The following RFC4 variants were observed in gnomAD, a reference collection of about 807,000 sequenced individuals.
RFC4 encodes replication factor C subunit 4, also known as A1 37 kDa subunit.
In RFC4, 38 loss-of-function variants were observed where a neutral mutation model predicts 47.6. That is an observed-to-expected ratio of 0.80 (90% CI 0.62 to 1.05). The LOEUF (loss-of-function observed/expected upper bound fraction) is 1.05, where lower values mean the gene tolerates loss of function less well. Ranked by LOEUF, RFC4 falls within the 50% of genes least tolerant of loss-of-function variation. RFC4 has a pLI of 0.00. For synonymous variants in RFC4, 164 were observed against 150.0 expected (o/e 1.09, Z -0.68); for missense variants, 489 against 434.0 (o/e 1.13, Z -1.13).
In RFC4 at chr3:186,797,738, G is replaced by A. The variant is rs370512988; in HGVS notation, c.211-124C>T. 3.3e-5 allele frequency: 20 copies of A among 609,158 alleles called. No homozygotes were observed. The East Asian group carries it at 4.2e-4, about 13-fold the overall frequency. The allele number at this position is 609,158 out of a possible 1,614,324, so 37.7% of individuals were successfully genotyped here. A position where few individuals can be genotyped will look rare whatever the true frequency, so the allele number is the denominator to read the frequency against. On this transcript the variant is annotated intron_variant, in intron 3 of 10. Transcript: ENST00000296273. ...CTCTAATAGGGCACGTAATTTCTAA[G>A]TATAAAGTTTTCTTAATATAACTGA...
rs1722253377 is a variant in RFC4, at chr3:186,796,855, C to T, written c.290+680G>A. 6.6e-6 allele frequency among the ~76,000 whole-genome samples: 1 copy of T among 152,284 alleles called. No homozygotes were observed. The highest frequency in any genetic ancestry group is 1.9e-4 in the East Asian group (1 of 5,178). Reference sequence around the variant, plus strand: ...TTAATTCTGGATAAACTCAAAACAGCCTTTGTTATGTTGGTGCATGTTTCA... The same window carrying T: ...TTAATTCTGGATAAACTCAAAACAGTCTTTGTTATGTTGGTGCATGTTTCA... On this transcript the variant is annotated intron_variant, in intron 4 of 10. Coordinates refer to ENST00000296273, the MANE Select transcript of RFC4 (RefSeq NM_002916.5). This position sits in a 1 kb window ranked among gnomAD's most constrained non-coding sequence, Gnocchi z 4.2.
At chr3:186,801,398 GT>G in intron 2 of RFC4, 1 of 572,152 alleles carries the variant, frequency 1.7e-6, no homozygotes, top group Non-Finnish European at 3.1e-6. Flanking sequence ...GTGAAATAAT[GT>G]TTTACTTCCT....
At chr3:186,790,095 T>C in intron 10 of RFC4, 31 bp from the exon 11 acceptor site, 1 of 1,605,608 alleles carries the variant, frequency 6.2e-7, no homozygotes, top group Non-Finnish European at 8.5e-7. Flanking sequence ...ATTAGCATCC[T>C]TCAGGTAGTT....
At chr3:186,800,279 G>T (rs1435101814) in intron 3 of RFC4, among the ~76,000 whole-genome samples, 1 of 152,124 alleles carries the variant, frequency 6.6e-6, no homozygotes, top group East Asian at 1.9e-4. Flanking sequence ...GAGTATGCGA[G>T]TCAAATCAAA....
rs562764017 is a variant in RFC4 at position 186,793,629 on chromosome 3, G to A, written c.411-682C>T. 1.3e-5 allele frequency among the ~76,000 whole-genome samples: 2 copies of A among 152,172 alleles called. No individual in the cohort carries two copies. Among genetic ancestry groups the A allele is most frequent in the African/African-American group, 4.8e-5 (2 of 41,518 alleles). Reference sequence around the variant, plus strand: ...TGGGAGTTACGTGGTATTTCAATGTGGCTTTGATTTTCATTTCCCAAATGG... The same window carrying A: ...TGGGAGTTACGTGGTATTTCAATGTAGCTTTGATTTTCATTTCCCAAATGG... On this transcript the variant is annotated intron_variant, in intron 5 of 10. Coordinates refer to ENST00000296273, the MANE Select transcript of RFC4 (RefSeq NM_002916.5). The surrounding 1 kb of genome is among the most constrained non-coding windows in gnomAD (Gnocchi z 4.2).
chr3:186,805,428 C>G, intron 1 of RFC4: 3 of 152,338 alleles, frequency 2.0e-5, no homozygotes, highest in Non-Finnish European at 4.4e-5. Context: ...CACCATGTTG[C>G]CTAGGCTGGT....
At chr3:186,803,991 G>A (rs2108473965) in intron 2 of RFC4, among the ~76,000 whole-genome samples, 1 of 152,114 alleles carries the variant, frequency 6.6e-6, no homozygotes, top group East Asian at 2.0e-4. Context: ...CGATCGACCT[G>A]ACCAACATGG....
chr3:186,789,972 A>G lies in RFC4; in HGVS notation c.1089T>C (p.Cys363=), dbSNP rs758933711. Residue 363 remains cysteine (C), a synonymous_variant, in exon 11 of 11, where the codon TGT becomes TGC. Transcript: ENST00000296273. Reference sequence around the variant, plus strand: ...CCCCCATCCAGATATATTCACGTTAACAATTCTGAGATAACTGCTGCATCA... The same window carrying G: ...CCCCCATCCAGATATATTCACGTTAGCAATTCTGAGATAACTGCTGCATCA... The part of the protein sequence containing the change: ...ATVMQQLSQN[C] 1 of 1,597,634 alleles carries G rather than the reference A, an allele frequency of 6.3e-7. No homozygotes were observed. Among genetic ancestry groups the G allele is most frequent in the Non-Finnish European group, 8.6e-7 (1 of 1,165,494 alleles).
chr3:186,790,805 CTAA>C (rs1247950889), intron 8 of RFC4, among the ~76,000 whole-genome samples: 1 of 152,140 alleles, frequency 6.6e-6, no homozygotes, highest in Admixed American at 6.5e-5. Flanking sequence ...AAAGATGCCA[CTAA>C]TGAGATTGGT....
In RFC4 at chr3:186,789,929, CTTCAT is replaced by C; in HGVS notation, c.*35_*39del. The C allele has an allele frequency of 8.0e-7, 1 of 1,257,778 alleles. No homozygotes were observed. The highest frequency in any genetic ancestry group is 1.1e-6 in the Non-Finnish European group (1 of 871,946). 77.9% of individuals were successfully genotyped at this position (1,257,778 alleles called of 1,614,324 possible). A position where few individuals can be genotyped will look rare whatever the true frequency, so the allele number is the denominator to read the frequency against. On this transcript the variant is annotated 3_prime_UTR_variant, in exon 11 of 11. Transcript: ENST00000296273. ...TTTGGTCATTTTATTTTTATTACAA[CTTCAT>C]TATTTACAAAACCCCCCATCCAGAT...
At position 186,804,569 on chromosome 3, in the gene RFC4, A is replaced by C. The variant is rs1722433665; in HGVS notation, c.131+14T>G. 1 of 1,613,084 alleles carries C rather than the reference A, an allele frequency of 6.2e-7. No homozygotes were observed. Among genetic ancestry groups the C allele is most frequent in the East Asian group, 2.2e-5 (1 of 44,872 alleles). On this transcript the variant is annotated intron_variant, in intron 2 of 10. Transcript: ENST00000296273. ...ATTTATGAATTATTTTAACAAAGAC[A>C]CAAGTGTTCTTACTATTTTTCCACC...
In RFC4 at chr3:186,804,670, G is replaced by C. The variant is rs146612878; in HGVS notation, c.44C>G (p.Pro15Arg). The C allele has an allele frequency of 2.5e-6, 4 of 1,613,880 alleles. No individual in the cohort carries two copies. The African/African-American group carries it at 5.3e-5, about 22-fold the overall frequency. ...AGCTACTCCTCGATCCTTGGTCAGC[G>C]GGGGTTTAGTACTGATGGATGTACC... Reference protein sequence around the residue: ...LKGTSISTKPPLTKDRGVAAS... With the variant: ...LKGTSISTKPRLTKDRGVAAS... The change falls in exon 2 of 11, where the codon CCG becomes CGG. Residue 15 changes from proline (P) to arginine (R), a missense_variant. Physicochemically the swap from Pro to Arg is moderately radical, Grantham distance 103 (BLOSUM62 -2). Transcript: ENST00000296273.
chr3:186,805,801 T>C (rs1722466938), intron 1 of RFC4, among the ~76,000 whole-genome samples: 1 of 152,152 alleles, frequency 6.6e-6, no homozygotes, highest in Non-Finnish European at 1.5e-5. Flanking sequence ...AAGTCCCCGG[T>C]TAATTCTATT....
chr3:186,802,346 T>C (rs934775795), intron 2 of RFC4, among the ~76,000 whole-genome samples: 1 of 152,064 alleles, frequency 6.6e-6, no homozygotes, highest in Non-Finnish European at 1.5e-5. Flanking sequence ...AAAAAAGCAT[T>C]GTTCCACTTT....
intron 8 of RFC4, among the ~76,000 whole-genome samples, chr3:186,791,033 A>G (rs1722114537): frequency 6.6e-6 from 1 of 152,156 alleles, no homozygotes; most frequent in Admixed American, 6.5e-5. Flanking sequence ...TTTACATGGG[A>G]GTATCCAAAG....
rs1349190089 is a variant in RFC4 at position 186,806,473 on chromosome 3, G to A, written c.-195C>T. On this transcript the variant is annotated 5_prime_UTR_variant, in exon 1 of 11. Transcript: ENST00000296273. ...CCTCAGTTCCCGCCACGGAACGGCG[G>A]GCGAAAAGCAGGGCGGGAATACGCC... 1 of 152,274 alleles carries A rather than the reference G, an allele frequency of 6.6e-6. No homozygotes were observed. Among genetic ancestry groups the A allele is most frequent in the African/African-American group, 2.4e-5 (1 of 41,474 alleles). The allele number at this position is 152,274 out of a possible 1,614,324, so 9.4% of individuals were successfully genotyped here. A position where few individuals can be genotyped will look rare whatever the true frequency, so the allele number is the denominator to read the frequency against.
In RFC4 at chr3:186,792,585, A is replaced by T; in HGVS notation, c.580T>A (p.Cys194Ser). 2.5e-6 allele frequency: 4 copies of T among 1,613,992 alleles called. No homozygotes were observed. The highest frequency in any genetic ancestry group is 3.4e-6 in the Non-Finnish European group (4 of 1,179,880). ...AGAGGCTTGAAGCGGAATTTTGAAC[A>T]TCTAGAGGTCAGGGGTTCAATTATT... ...SRIIEPLTSR[C>S]SKFRFKPLSD... Residue 194 changes from cysteine (C) to serine (S), a missense_variant, in exon 7 of 11, where the codon TGT (cysteine) becomes AGT (serine). This residue lies in a region of RFC4 where 206 missense variants were observed against 257.8 expected (regional missense o/e 0.80). Transcript: ENST00000296273.
chr3:186,796,334 T>C lies in RFC4; in HGVS notation c.290+1201A>G, dbSNP rs1377188465. Among the ~76,000 whole-genome samples, 1 of 152,196 alleles carries C rather than the reference T, an allele frequency of 6.6e-6. No individual in the cohort carries two copies. The highest frequency in any genetic ancestry group is 1.5e-5 in the Non-Finnish European group (1 of 68,032). On this transcript the variant is annotated intron_variant, in intron 4 of 10. Transcript: ENST00000296273. The surrounding 1 kb of genome is among the most constrained non-coding windows in gnomAD (Gnocchi z 4.2). The stretch of plus-strand genomic sequence containing the variant: ...TTCAGATTGGTTCTATCTGATTGAG[T>C]TGTGGAATAATCAAAAAAGTTCTTC...
At chr3:186,797,679 C>T (rs1722270530) in intron 3 of RFC4, 65 bp from the exon 4 acceptor site, 10 of 1,145,640 alleles carry the variant, frequency 8.7e-6, no homozygotes, top group South Asian at 4.0e-5. Context: ...AAAGGAAGAT[C>T]GAAAAAAATG....
Sources: allele counts gnomAD v4.1 joint callset (sites outside exome capture counted in the v4.1 genomes callset), GRCh38; gene constraint gnomAD v4.1.1; regional missense constraint gnomAD v4.1.1; non-coding constraint Gnocchi (gnomAD v3.1); transcripts MANE v1.5; gene names NCBI Gene and HGNC (gene_info 2026-07-23, HGNC 2026-07-21).